ATRN: variants seen among roughly 807,000 people sequenced by gnomAD.
ATRN encodes attractin-2.
A neutral mutation model predicts 178.7 loss-of-function variants in ATRN; 54 were observed. That is an observed-to-expected ratio of 0.30 (90% CI 0.24 to 0.38). The LOEUF is 0.38. Among genes scored for constraint, ATRN ranks in the 10% least tolerant of loss-of-function variants. The pLI is 1.00. For missense variants in ATRN, 1,443 were observed against 1,815.1 expected (o/e 0.79, Z 3.73); for synonymous variants, 636 against 663.0 (o/e 0.96, Z 0.63).
At chr20:3,505,809 AAGC>A (rs1318790634) in intron 1 of ATRN, among the ~76,000 whole-genome samples, 4 of 152,238 alleles carry the variant, frequency 2.6e-5, no homozygotes, top group Non-Finnish European at 5.9e-5. Context: ...TTTAATAAAA[AAGC>A]AGAAATGGCT....
At chr20:3,505,703 A>G (rs752650377) in intron 1 of ATRN, among the ~76,000 whole-genome samples, 1 of 152,224 alleles carries the variant, frequency 6.6e-6, no homozygotes, top group Non-Finnish European at 1.5e-5. Context: ...ATGAAGAAAC[A>G]TGACCCAACT....
intron 1 of ATRN, among the ~76,000 whole-genome samples, chr20:3,511,240 A>G (rs2085122847): frequency 6.6e-6 from 1 of 152,196 alleles, no homozygotes; most frequent in African/African-American, 2.4e-5. Flanking sequence ...ATAAAGATAA[A>G]TTAGTTGAAT....
In ATRN at chr20:3,572,735, A is replaced by G. The variant is rs1445759018; in HGVS notation, c.1876A>G (p.Met626Val). Reference protein sequence around the residue: ...GHSAVLHNSTMYVFGGFNSLL... With the variant: ...GHSAVLHNSTVYVFGGFNSLL... ...TCTCTCCCTTTTTCCTCTTAGCACC[A>G]TGTATGTGTTCGGTGGTTTCAATAG... Residue 626 changes from methionine (M) to valine (V), a missense_variant, in exon 12 of 29, where the codon ATG (methionine) becomes GTG (valine). Around this residue, in one of 4 missense-constraint regions of ATRN, gnomAD observed 862 missense variants for 972.1 expected, o/e 0.89. Coordinates refer to ENST00000262919, the MANE Select transcript of ATRN (RefSeq NM_139321.3). 3.7e-5 allele frequency: 59 copies of G among 1,612,970 alleles called. No homozygotes were observed. Among genetic ancestry groups the G allele is most frequent in the Non-Finnish European group, 4.7e-5 (55 of 1,179,620 alleles).
intron 1 of ATRN, among the ~76,000 whole-genome samples, chr20:3,479,806 C>G (rs1568678092): frequency 6.6e-6 from 1 of 152,162 alleles, no homozygotes; most frequent in Non-Finnish European, 1.5e-5. Context: ...CTTGTAGATG[C>G]ATCACTTCAG....
rs1377237749 is a variant in ATRN, at chr20:3,580,871, A to AT, written c.2545-1259dup. ...AATTATTGAAGGGCCTTTAAAAAGTATTTTTAATTGTCTTTCTTTCTTTTG... is the reference window on the plus strand; with the variant it reads ...AATTATTGAAGGGCCTTTAAAAAGTATTTTTTAATTGTCTTTCTTTCTTTTG... On this transcript the variant is annotated intron_variant, in intron 15 of 28. Coordinates refer to ENST00000262919, the MANE Select transcript of ATRN (RefSeq NM_139321.3). 2.0e-5 allele frequency among the ~76,000 whole-genome samples: 3 copies of AT among 152,292 alleles called. No homozygotes were observed. The East Asian group carries it at 5.8e-4, about 29-fold the overall frequency.
intron 6 of ATRN, among the ~76,000 whole-genome samples, chr20:3,553,116 C>A (rs1270067226): frequency 1.3e-5 from 2 of 152,102 alleles, no homozygotes; most frequent in African/African-American, 2.4e-5. Flanking sequence ...GTTAGCTCTA[C>A]CTTTAGAATC....
rs778316311 is a variant in ATRN at position 3,600,969 on chromosome 20, C to T, written c.3588C>T (p.Phe1196=). Residue 1196 remains phenylalanine (F), a synonymous_variant, in exon 23 of 29, where the codon TTC becomes TTT. Transcript: ENST00000262919. ...PDEQNRDLDM[F]INASKNFNLN... The stretch of plus-strand genomic sequence containing the variant: ...AGCAAAACAGGGATTTGGACATGTT[C>T]ATCAATGCCTCCAAGAATTTCAACC... 3.7e-6 allele frequency: 6 copies of T among 1,613,692 alleles called. No individual in the cohort carries two copies. Among genetic ancestry groups the T allele is most frequent in the Non-Finnish European group, 5.1e-6 (6 of 1,179,810 alleles).
intron 1 of ATRN, among the ~76,000 whole-genome samples, chr20:3,473,518 A>C (rs2084463287): frequency 6.6e-6 from 1 of 152,082 alleles, no homozygotes; most frequent in Admixed American, 6.6e-5. Flanking sequence ...GAGAATTTTG[A>C]CCTTTAGCCC....
chr20:3,637,052 G>A (rs1296538293), intron 26 of ATRN, among the ~76,000 whole-genome samples: 2 of 152,194 alleles, frequency 1.3e-5, no homozygotes, highest in African/African-American at 4.8e-5. Flanking sequence ...CAGTGTGCAT[G>A]AGAGAAAGTA....
At chr20:3,594,432 A>G in intron 19 of ATRN, 47 bp from the exon 20 acceptor site, 1 of 1,510,754 alleles carries the variant, frequency 6.6e-7, no homozygotes, top group Non-Finnish European at 9.0e-7. Flanking sequence ...CAATAGTCAG[A>G]ATTTTTTAAG....
rs755321941 is a variant in ATRN, at chr20:3,646,891, A to G, written c.*44A>G. The G allele has an allele frequency of 3.7e-6, 6 of 1,607,824 alleles. No homozygotes were observed. The highest frequency in any genetic ancestry group is 4.2e-6 in the Non-Finnish European group (5 of 1,176,778). On this transcript the variant is annotated 3_prime_UTR_variant, in exon 29 of 29. Coordinates refer to ENST00000262919, the MANE Select transcript of ATRN (RefSeq NM_139321.3). The stretch of plus-strand genomic sequence containing the variant: ...TCCCACGCACGAGCTAGTGAGTGGC[A>G]CACCAGAGCCATCTGCAGGGAAGGG...
intron 3 of ATRN, among the ~76,000 whole-genome samples, chr20:3,541,735 CTG>C (rs1456988366): frequency 2.0e-5 from 3 of 152,214 alleles, no homozygotes; most frequent in African/African-American, 4.8e-5. Context: ...TGGTGTATGA[CTG>C]TATATTTTCC....
intron 2 of ATRN, among the ~76,000 whole-genome samples, chr20:3,536,782 G>A (rs1023272279): frequency 3.3e-5 from 5 of 152,238 alleles, no homozygotes; most frequent in African/African-American, 9.6e-5. Flanking sequence ...TGGTTGAAGC[G>A]TGTCAAGAAG....
chr20:3,493,073 A>G (rs1327191339), intron 1 of ATRN, among the ~76,000 whole-genome samples: 1 of 146,168 alleles, frequency 6.8e-6, no homozygotes, highest in African/African-American at 2.5e-5. Context: ...ATTATATATT[A>G]TATATAATTT....
rs2085597668 is a variant in ATRN at position 3,540,170 on chromosome 20, G to A, written c.495-52G>A. On this transcript the variant is annotated intron_variant, in intron 2 of 28. Transcript: ENST00000262919. ...AATCTGAATTTTTATATTCTCAAATGTCTGATAGTTGTGATAACTTTATTA... is the reference window on the plus strand; with the variant it reads ...AATCTGAATTTTTATATTCTCAAATATCTGATAGTTGTGATAACTTTATTA... 5 of 1,044,414 alleles carry A rather than the reference G, an allele frequency of 4.8e-6. No individual in the cohort carries two copies. The South Asian group carries it at 6.3e-5, about 13-fold the overall frequency. The allele number at this position is 1,044,414 out of a possible 1,614,324, so 64.7% of individuals were successfully genotyped here.
chr20:3,533,672 T>C (rs1163186846), intron 1 of ATRN, among the ~76,000 whole-genome samples: 1 of 152,172 alleles, frequency 6.6e-6, no homozygotes, highest in Non-Finnish European at 1.5e-5. Context: ...TGGAAATGCA[T>C]TGCATGCTCT....
At chr20:3,489,152 G>A (rs1013622728) in intron 1 of ATRN, among the ~76,000 whole-genome samples, 1 of 152,044 alleles carries the variant, frequency 6.6e-6, no homozygotes, top group Non-Finnish European at 1.5e-5. Flanking sequence ...TTAGAGATGG[G>A]GTTTCACCAT....
chr20:3,563,431 G>A lies in ATRN; in HGVS notation c.1786+68G>A. 3.4e-6 allele frequency: 5 copies of A among 1,476,228 alleles called. No individual in the cohort carries two copies. The South Asian group carries it at 4.2e-5, about 12-fold the overall frequency. 91.4% of individuals were successfully genotyped at this position (1,476,228 alleles called of 1,614,324 possible). A position where few individuals can be genotyped will look rare whatever the true frequency, so the allele number is the denominator to read the frequency against. Reference sequence around the variant, plus strand: ...CTATACTATAAGCAGCATTTAAAAGGAGACTGAAAATATTGCCAGTTCAAA... The same window carrying A: ...CTATACTATAAGCAGCATTTAAAAGAAGACTGAAAATATTGCCAGTTCAAA... On this transcript the variant is annotated intron_variant, in intron 10 of 28. Coordinates refer to ENST00000262919, the MANE Select transcript of ATRN (RefSeq NM_139321.3).
chr20:3,621,995 T>G (rs1385717268), intron 24 of ATRN, among the ~76,000 whole-genome samples: 1 of 152,234 alleles, frequency 6.6e-6, no homozygotes, highest in East Asian at 1.9e-4. Flanking sequence ...ACTGGAGATA[T>G]ATGGTCAGTG....
Sources: gnomAD v4.1 joint callset for allele counts (sites outside exome capture counted in the v4.1 genomes callset) on GRCh38, gnomAD v4.1.1 for gene constraint, gnomAD v4.1.1 regional missense constraint, MANE v1.5 for transcripts, NCBI Gene and HGNC (gene_info 2026-07-23, HGNC 2026-07-21) for gene names.